The following DNAJC2 variants were observed in gnomAD, a reference collection of about 807,000 sequenced individuals.
DNAJC2 encodes the protein DnaJ heat shock protein family (Hsp40) member C2.
A neutral mutation model predicts 94.0 loss-of-function variants in DNAJC2; 32 were observed. The observed-to-expected ratio is 0.34, with a 90% CI of 0.26 to 0.46. The LOEUF (loss-of-function observed/expected upper bound fraction) is 0.46, where lower values mean the gene tolerates loss of function less well. DNAJC2 is among the 20% of genes least tolerant of loss of function. DNAJC2 has a pLI of 1.00. For synonymous variants in DNAJC2, 210 were observed against 229.7 expected, an observed-to-expected ratio of 0.91 and a Z score of 0.77; for missense variants, 550 against 719.5, an observed-to-expected ratio of 0.76 and a Z score of 2.69.
intron 4 of DNAJC2, 93 bp downstream of exon 4, chr7:103,327,563 G>A: frequency 2.4e-6 from 2 of 816,928 alleles, no homozygotes; most frequent in Non-Finnish European, 3.9e-6. Context: ...AAGGATAGTT[G>A]AATGAACTAC....
chr7:103,313,608 A>T (rs767976272), intron 15 of DNAJC2: 17 of 983,608 alleles, frequency 1.7e-5, no homozygotes, highest in Non-Finnish European at 1.9e-5. Context: ...TGCCCAAGGT[A>T]CCAGTGCTGG....
At chr7:103,320,467 C>G (rs2115847249) in intron 10 of DNAJC2, among the ~76,000 whole-genome samples, 1 of 152,134 alleles carries the variant, frequency 6.6e-6, no homozygotes, top group Middle Eastern at 3.4e-3. Flanking sequence ...AATCATCTTA[C>G]CATTATCAAA....
At chr7:103,338,390 G>A (rs984225144) in intron 2 of DNAJC2, among the ~76,000 whole-genome samples, 8 of 149,658 alleles carry the variant, frequency 5.3e-5, no homozygotes, top group African/African-American at 1.7e-4. Context: ...TCCGCCTCCC[G>A]GGTTCAAGCA....
At chr7:103,326,238 A>G (rs1043997674) in intron 5 of DNAJC2, among the ~76,000 whole-genome samples, 10 of 152,200 alleles carry the variant, frequency 6.6e-5, no homozygotes, top group Admixed American at 2.0e-4. Context: ...TCGGCCTTCC[A>G]AAGTGCTGGG....
At chr7:103,334,982 C>T (rs568602035) in intron 3 of DNAJC2, among the ~76,000 whole-genome samples, 4 of 152,132 alleles carry the variant, frequency 2.6e-5, no homozygotes, top group Admixed American at 2.0e-4. Context: ...TACAGGCATG[C>T]GTCTCCATGC....
chr7:103,327,485 T>TTG (rs1465348274), intron 4 of DNAJC2, 171 bp downstream of exon 4: 1 of 684,404 alleles, frequency 1.5e-6, no homozygotes, highest in Non-Finnish European at 2.4e-6. Context: ...ACACCTCACT[T>TTG]TGTGTCGTGA....
intron 15 of DNAJC2, 185 bp from the exon 16 acceptor site, chr7:103,313,286 C>G (rs1363201924): frequency 5.2e-6 from 7 of 1,333,762 alleles, no homozygotes; most frequent in South Asian, 4.4e-5. Context: ...TTTCAGATAG[C>G]TCACATCCCA....
rs1403867436 is a variant in DNAJC2 at position 103,316,771 on chromosome 7, G to A, written c.1427+59C>T. 22 of 1,396,928 alleles carry A rather than the reference G, an allele frequency of 1.6e-5. No homozygotes were observed. The South Asian group carries it at 2.0e-4, about 13-fold the overall frequency. The allele number at this position is 1,396,928 out of a possible 1,614,324, so 86.5% of individuals were successfully genotyped here. A position where few individuals can be genotyped will look rare whatever the true frequency, so the allele number is the denominator to read the frequency against. ...TAACAAGTGCTGCTATTTGGAGTCT[G>A]TCTACATTATCTCCAGGCTCCAGTG... On this transcript the variant is annotated intron_variant, in intron 13 of 16. Coordinates refer to ENST00000379263, the MANE Select transcript of DNAJC2 (RefSeq NM_014377.3).
chr7:103,334,596 T>A (rs537326916), intron 3 of DNAJC2, among the ~76,000 whole-genome samples: 15 of 150,534 alleles, frequency 1.0e-4, no homozygotes, highest in Non-Finnish European at 2.1e-4. Flanking sequence ...AAAAGAAATC[T>A]TGAAAAAAAA....
rs1173383084 is a variant in DNAJC2 at position 103,322,710 on chromosome 7, T to C, written c.804A>G (p.Thr268=). The change falls in exon 8 of 17, where the codon ACA becomes ACG. Residue 268 remains threonine, a synonymous_variant. Coordinates refer to ENST00000379263, the MANE Select transcript of DNAJC2 (RefSeq NM_014377.3). Reference sequence around the variant, plus strand: ...TAAATCAATTCTACTTACCAACTAATGTTCTTATTCTGTTCATTTCTTCTT... The same window carrying C: ...TAAATCAATTCTACTTACCAACTAACGTTCTTATTCTGTTCATTTCTTCTT... ...RKKEEMNRIR[T]LVDNAYSCDP... 2.5e-6 allele frequency: 4 copies of C among 1,612,474 alleles called. No individual in the cohort carries two copies. Among genetic ancestry groups the C allele is most frequent in the Admixed American group, 3.3e-5 (2 of 59,988 alleles).
chr7:103,327,239 G>C lies in DNAJC2; in HGVS notation c.430+417C>G, dbSNP rs913160602. ...CAACTTCTTGATTTAAACTAGGCTA[G>C]CAAAACATCTAAGGAACAGTTTAGT... On this transcript the variant is annotated intron_variant, in intron 4 of 16. Coordinates refer to ENST00000379263, the MANE Select transcript of DNAJC2 (RefSeq NM_014377.3). 3 of 626,124 alleles carry C rather than the reference G, an allele frequency of 4.8e-6. No individual in the cohort carries two copies. In the African/African-American group the frequency reaches 5.8e-5, roughly 12 times the overall value. The allele number at this position is 626,124 out of a possible 1,614,324, so 38.8% of individuals were successfully genotyped here.
intron 1 of DNAJC2, among the ~76,000 whole-genome samples, chr7:103,343,133 G>C (rs1819452236): frequency 6.6e-6 from 1 of 152,020 alleles, no homozygotes. Flanking sequence ...CCAAGTTGCT[G>C]GGATTATAGG....
Position 103,327,713 on chromosome 7 carries a change from C to T in DNAJC2, c.373G>A (p.Ala125Thr). The T allele has an allele frequency of 6.2e-7, 1 of 1,613,650 alleles. No individual in the cohort carries two copies. Among genetic ancestry groups the T allele is most frequent in the Non-Finnish European group, 8.5e-7 (1 of 1,179,834 alleles). Residue 125 changes from alanine (A) to threonine (T), a missense_variant, in exon 4 of 17, where the codon GCA (alanine) becomes ACA (threonine). Physicochemically the swap from Ala to Thr is moderately conservative, Grantham distance 58 (BLOSUM62 0). This residue lies in a region of DNAJC2 where 279 missense variants were observed against 416.9 expected (regional missense o/e 0.67). Transcript: ENST00000379263. Reference protein sequence around the residue: ...VLKHHPDKRKAAGEPIKEGDN... With the variant: ...VLKHHPDKRKTAGEPIKEGDN... ...CCTTCTTTTATTGGTTCACCAGCTG[C>T]TTTCCGTTTGTCTGGGTGATGTTTT...
At chr7:103,331,509 C>A (rs1586102179) in intron 3 of DNAJC2, among the ~76,000 whole-genome samples, 1 of 152,134 alleles carries the variant, frequency 6.6e-6, no homozygotes, top group African/African-American at 2.4e-5. Context: ...TATCCCTCTC[C>A]TCCCAATACC....
chr7:103,337,751 GTC>G lies in DNAJC2; in HGVS notation c.314_315del (p.Arg105ThrfsTer7). On this transcript the variant is annotated frameshift_variant, in exon 3 of 17. Coordinates refer to ENST00000379263, the MANE Select transcript of DNAJC2 (RefSeq NM_014377.3). LOFTEE classifies it high-confidence loss of function. ...AAGTACTTACGAGCTGCTTTGATCT[GTC>G]TCTGTGTAGCCTTGTATCTCACATG... Reference protein sequence around the residue: ...LGHVRYKATQRQIKAAHKAMV... With the variant: ...LGHVRYKATQXQIKAAHKAMV... The G allele has an allele frequency of 6.2e-7, 1 of 1,613,376 alleles. No individual in the cohort carries two copies. The highest frequency in any genetic ancestry group is 8.5e-7 in the Non-Finnish European group (1 of 1,179,708).
At position 103,323,610 on chromosome 7, in the gene DNAJC2, T is replaced by A. The variant is rs1818541481; in HGVS notation, c.707A>T (p.Glu236Val). 9.5e-6 allele frequency: 14 copies of A among 1,468,074 alleles called. No homozygotes were observed. Among genetic ancestry groups the A allele is most frequent in the Non-Finnish European group, 1.3e-5 (14 of 1,081,094 alleles). 90.9% of individuals were successfully genotyped at this position (1,468,074 alleles called of 1,614,324 possible). Reference protein sequence around the residue: ...EFSYLDEEEKEKAECRDERRW... With the variant: ...EFSYLDEEEKVKAECRDERRW... ...TTTGCATACATACCATTCTGCTTTT[T>A]CTTTTTCTTCTTCATCTAAATAAGA... The change falls in exon 7 of 17, where the codon GAA (glutamate) becomes GTA (valine). Residue 236 changes from glutamate to valine, a missense_variant. Transcript: ENST00000379263.
chr7:103,324,164 TAC>T (rs772373199), intron 6 of DNAJC2, among the ~76,000 whole-genome samples: 4 of 152,222 alleles, frequency 2.6e-5, no homozygotes, highest in Non-Finnish European at 5.9e-5. Flanking sequence ...GTGAATTAGT[TAC>T]AGAGACAAAT....
chr7:103,312,420 G>C lies in DNAJC2; in HGVS notation c.*149C>G, dbSNP rs1005323786. 1 of 1,508,670 alleles carries C rather than the reference G, an allele frequency of 6.6e-7. No homozygotes were observed. Among genetic ancestry groups the C allele is most frequent in the African/African-American group, 1.4e-5 (1 of 70,936 alleles). The allele number at this position is 1,508,670 out of a possible 1,614,324, so 93.5% of individuals were successfully genotyped here. Reference sequence around the variant, plus strand: ...TAAAAAGACTACCCCTCTGAAGGTTGTTTTGTATTAATGGTCAGTCTTTGT... The same window carrying C: ...TAAAAAGACTACCCCTCTGAAGGTTCTTTTGTATTAATGGTCAGTCTTTGT... On this transcript the variant is annotated 3_prime_UTR_variant, in exon 17 of 17. Transcript: ENST00000379263.
intron 4 of DNAJC2, 107 bp downstream of exon 4, chr7:103,327,549 G>T (rs1818770572): frequency 1.3e-6 from 1 of 771,772 alleles, no homozygotes; most frequent in Non-Finnish European, 2.1e-6. Flanking sequence ...GTTTTAAAAT[G>T]TCAAAGGATA....
Sources: gnomAD v4.1 joint callset for allele counts (sites outside exome capture counted in the v4.1 genomes callset) on GRCh38, gnomAD v4.1.1 for gene constraint, gnomAD v4.1.1 regional missense constraint, MANE v1.5 for transcripts, NCBI Gene and HGNC (gene_info 2026-07-23, HGNC 2026-07-21) for gene names.